DMD: variants seen among roughly 807,000 people sequenced by gnomAD.
The protein encoded by DMD is dystrophin.
In DMD, 63 loss-of-function variants were observed where a neutral mutation model predicts 330.1. The observed-to-expected ratio is 0.19, with a 90% CI of 0.16 to 0.24. The LOEUF (loss-of-function observed/expected upper bound fraction) is 0.24. Among genes scored for constraint, DMD ranks in the 10% least tolerant of loss-of-function variants. DMD has a pLI of 1.00. For missense variants in DMD, 3,344 were observed against 2,684.1 expected (o/e 1.25, Z -5.43); for synonymous variants, 1,223 against 959.8 (o/e 1.27, Z -5.07).
chrX:32,532,460 G>A (rs898763236), intron 17 of DMD, among the ~76,000 whole-genome samples: 1 of 112,227 alleles, frequency 8.9e-6, no homozygotes, highest in African/African-American at 3.2e-5. Flanking sequence ...CCTAAGCTAG[G>A]CTGTCTGGGT....
intron 60 of DMD, among the ~76,000 whole-genome samples, chrX:31,417,300 CT>C (rs1267616321): frequency 3.8e-5 from 4 of 105,554 alleles, no homozygotes; most frequent in East Asian, 2.9e-4. Context: ...TCTTTTTTTT[CT>C]TTTTTTTTTG....
intron 53 of DMD, among the ~76,000 whole-genome samples, chrX:31,676,503 T>A (rs2082088150): frequency 8.9e-6 from 1 of 112,263 alleles, no homozygotes; most frequent in African/African-American, 3.2e-5. Flanking sequence ...ATTTTCTACC[T>A]GTTGGTTTAT....
chrX:31,379,777 C>A (rs780348919), intron 60 of DMD, among the ~76,000 whole-genome samples: 1 of 112,335 alleles, frequency 8.9e-6, no homozygotes, highest in East Asian at 2.8e-4. Flanking sequence ...GAGCTTGCTA[C>A]AAGTGCCAGA....
chrX:31,709,584 CTGTGTGTGTGTG>C (rs55768943), intron 52 of DMD, among the ~76,000 whole-genome samples: 1 of 94,037 alleles, frequency 1.1e-5, no homozygotes, highest in Non-Finnish European at 2.1e-5. Flanking sequence ...CTCTCTCTGT[CTGTGTGTGTGTG>C]TGTGTGTGTG....
intron 1 of DMD, among the ~76,000 whole-genome samples, chrX:33,232,541 G>T (rs2052406026): frequency 9.0e-6 from 1 of 111,379 alleles, no homozygotes; most frequent in African/African-American, 3.3e-5. Flanking sequence ...CTCTAATTAG[G>T]AGTTCAAGTT....
rs371319031 is a variant in DMD, at chrX:31,875,376, G to A, written c.6913-3C>T. ...TTCTCAGGTAAAGCTCTGGAAACCT[G>A]AAAGGAAAATACATTTTAAAAAGGT... On this transcript the variant is annotated splice_region_variant and splice_polypyrimidine_tract_variant and intron_variant, in intron 47 of 78. Coordinates refer to ENST00000357033, the MANE Select transcript of DMD (RefSeq NM_004006.3). 2 of 1,187,295 alleles carry A rather than the reference G, an allele frequency of 1.7e-6. No individual in the cohort carries two copies. The highest frequency in any genetic ancestry group is 1.8e-5 in the South Asian group (1 of 55,198).
At chrX:32,631,757 C>A (rs1418733697) in intron 11 of DMD, among the ~76,000 whole-genome samples, 2 of 111,401 alleles carry the variant, frequency 1.8e-5, no homozygotes, top group Non-Finnish European at 3.8e-5. Flanking sequence ...ATGAAAACAG[C>A]ACTAAGAGGA....
At chrX:32,995,161 T>C (rs1182916218) in intron 2 of DMD, among the ~76,000 whole-genome samples, 2 of 112,534 alleles carry the variant, frequency 1.8e-5, no homozygotes, top group Admixed American at 1.9e-4. Flanking sequence ...TGCAAATCCA[T>C]TATAACAATG....
chrX:32,507,000 G>C (rs1015065532), intron 18 of DMD, among the ~76,000 whole-genome samples: 1 of 111,549 alleles, frequency 9.0e-6, no homozygotes, highest in African/African-American at 3.2e-5. Context: ...GTCCTTAGCA[G>C]CTTATGGCAT....
chrX:32,547,358 T>C (rs1359621828), intron 16 of DMD, among the ~76,000 whole-genome samples: 3 of 111,077 alleles, frequency 2.7e-5, no homozygotes, highest in Non-Finnish European at 5.7e-5. Context: ...CATGATATAC[T>C]GTGAAGCGGC....
At chrX:32,914,912 AT>A (rs1170501301) in intron 2 of DMD, among the ~76,000 whole-genome samples, 8 of 107,809 alleles carry the variant, frequency 7.4e-5, no homozygotes, top group East Asian at 2.9e-4. Context: ...TATTGTCCCC[AT>A]TTTTTTTTTG....
chrX:33,045,544 T>C (rs2094368024), intron 1 of DMD, among the ~76,000 whole-genome samples: 2 of 110,740 alleles, frequency 1.8e-5, no homozygotes, highest in African/African-American at 6.6e-5. Context: ...TATAGAAGAA[T>C]CCTGTTTAAA....
intron 50 of DMD, among the ~76,000 whole-genome samples, chrX:31,800,290 C>T (rs980069389): frequency 1.8e-5 from 2 of 112,617 alleles, no homozygotes; most frequent in Non-Finnish European, 3.8e-5. Context: ...CATACATCCT[C>T]TGAATTCTAG....
At chrX:33,140,939 CGT>C (rs1201025857) in intron 1 of DMD, among the ~76,000 whole-genome samples, 3 of 111,661 alleles carry the variant, frequency 2.7e-5, no homozygotes, top group Non-Finnish European at 3.8e-5. Context: ...CTGATATATA[CGT>C]GTGTGTATAT....
intron 48 of DMD, among the ~76,000 whole-genome samples, chrX:31,873,173 C>G (rs2093918444): frequency 9.0e-6 from 1 of 111,444 alleles, no homozygotes; most frequent in Non-Finnish European, 1.9e-5. Flanking sequence ...ATTTAATCAT[C>G]AGACTGAACC....
At position 32,955,257 on chromosome X, in the gene DMD, C is replaced by G. The variant is rs147843884; in HGVS notation, c.93+64882G>C. Among the ~76,000 whole-genome samples, 175 of 111,809 alleles carry G rather than the reference C, an allele frequency of 1.6e-3. 2 individuals are homozygous for G. The East Asian group carries it at 0.034, about 22-fold the overall frequency. On this transcript the variant is annotated intron_variant, in intron 2 of 78. Coordinates refer to ENST00000357033, the MANE Select transcript of DMD (RefSeq NM_004006.3). ...TCCTGACTGGTGTGAGATGGTATTTCATTGTGGTTTTGATTTGCATTTCTC... is the reference window on the plus strand; with the variant it reads ...TCCTGACTGGTGTGAGATGGTATTTGATTGTGGTTTTGATTTGCATTTCTC...
At chrX:32,848,568 C>A (rs145932589) in intron 3 of DMD, among the ~76,000 whole-genome samples, 2 of 108,430 alleles carry the variant, frequency 1.8e-5, no homozygotes, top group South Asian at 4.1e-4. Flanking sequence ...AAAATGGATC[C>A]GTTTTAGTAT....
intron 44 of DMD, among the ~76,000 whole-genome samples, chrX:32,070,335 G>T (rs748413101): frequency 2.7e-5 from 3 of 110,770 alleles, no homozygotes; most frequent in Admixed American, 9.7e-5. Context: ...AAATAGTATT[G>T]CAGCCTCTGT....
intron 2 of DMD, among the ~76,000 whole-genome samples, chrX:32,897,063 A>AT (rs1157281341): frequency 4.7e-5 from 5 of 106,329 alleles, no homozygotes; most frequent in Admixed American, 2.1e-4. Flanking sequence ...ACAAAAATAT[A>AT]TTTTTTTCAT....
Sources: gnomAD v4.1 joint callset for allele counts (sites outside exome capture counted in the v4.1 genomes callset) on GRCh38, gnomAD v4.1.1 for gene constraint, MANE v1.5 for transcripts, NCBI Gene and HGNC (gene_info 2026-07-23, HGNC 2026-07-21) for gene names.